Variants in AKAP7 observed in about 807,000 individuals in gnomAD.
AKAP7 encodes A kinase (PRKA) anchor protein 7.
A neutral mutation model predicts 39.5 loss-of-function variants in AKAP7; 39 were observed. That is an observed-to-expected ratio of 0.99 (90% CI 0.76 to 1.29). The LOEUF is 1.29. Among genes scored for constraint, AKAP7 ranks in the 50% most tolerant of loss-of-function variants. The pLI is 0.00. For missense variants in AKAP7, 414 were observed against 407.7 expected, an observed-to-expected ratio of 1.02 and a Z score of -0.13; for synonymous variants, 140 against 139.1, an observed-to-expected ratio of 1.01 and a Z score of -0.05.
chr6:131,146,544 A>G (rs1801501859), intron 2 of AKAP7, among the ~76,000 whole-genome samples: 1 of 152,254 alleles, frequency 6.6e-6, no homozygotes, highest in South Asian at 2.1e-4. Flanking sequence ...AAAATGTTAA[A>G]GATTTGACTA....
At chr6:131,158,658 T>C (rs549612149) in intron 2 of AKAP7, among the ~76,000 whole-genome samples, 1 of 152,114 alleles carries the variant, frequency 6.6e-6, no homozygotes, top group Admixed American at 6.6e-5. Flanking sequence ...AGGCTTGTGC[T>C]ACCATGCCTG....
intron 1 of AKAP7, among the ~76,000 whole-genome samples, chr6:131,139,323 A>T (rs1008296729): frequency 1.2e-4 from 19 of 152,346 alleles, no homozygotes; most frequent in Middle Eastern, 3.4e-3. Context: ...AATTCCTATT[A>T]TTCTATAGCT....
chr6:131,136,613 A>G (rs1562853897), intron 1 of AKAP7, among the ~76,000 whole-genome samples: 1 of 152,248 alleles, frequency 6.6e-6, no homozygotes, highest in South Asian at 2.1e-4. Context: ...TGGCTTTGCA[A>G]TTCAGGATCC....
At chr6:131,160,957 C>T (rs1802884104) in intron 3 of AKAP7, among the ~76,000 whole-genome samples, 1 of 149,676 alleles carries the variant, frequency 6.7e-6, no homozygotes, top group Non-Finnish European at 1.5e-5. Context: ...GGAAAGAACA[C>T]CTCACTTGGA....
chr6:131,199,430 G>T, intron 5 of AKAP7, 31 bp from the exon 6 acceptor site: 1 of 1,404,210 alleles, frequency 7.1e-7, no homozygotes, highest in Non-Finnish European at 1.0e-6. Context: ...TACTGTAGTA[G>T]CATTTCTTTG....
intron 6 of AKAP7, among the ~76,000 whole-genome samples, chr6:131,217,928 T>C (rs570758664): frequency 6.6e-6 from 1 of 152,280 alleles, no homozygotes; most frequent in Admixed American, 6.5e-5. Flanking sequence ...CACACAAGCA[T>C]TTAGAAGACA....
intron 4 of AKAP7, among the ~76,000 whole-genome samples, chr6:131,165,972 A>G (rs551520249): frequency 6.6e-6 from 1 of 152,334 alleles, no homozygotes; most frequent in Non-Finnish European, 1.5e-5. Flanking sequence ...TTTGTTTTCT[A>G]CTTTGACAGC....
intron 6 of AKAP7, among the ~76,000 whole-genome samples, chr6:131,202,278 A>G (rs1807646188): frequency 6.8e-6 from 1 of 146,098 alleles, no homozygotes; most frequent in Non-Finnish European, 1.5e-5. Context: ...CCAAAGGACT[A>G]TAAATCATGC....
intron 7 of AKAP7, among the ~76,000 whole-genome samples, chr6:131,227,227 A>G (rs1364364060): frequency 1.3e-5 from 2 of 152,218 alleles, no homozygotes; most frequent in East Asian, 1.9e-4. Context: ...GGCAAAGACC[A>G]CAATTACTTT....
chr6:131,135,491 G>C lies in AKAP7; in HGVS notation c.-273G>C, dbSNP rs1283553833. ...TCTGGCTTGTTCCGGCGTCCGGCCT[G>C]GCATGCGGGTGCTGCGGCTGCTGCG... On this transcript the variant is annotated 5_prime_UTR_variant, in exon 1 of 8. Coordinates refer to ENST00000431975, the MANE Select transcript of AKAP7 (RefSeq NM_016377.4). Among the ~76,000 whole-genome samples, 1 of 149,180 alleles carries C rather than the reference G, an allele frequency of 6.7e-6. No individual in the cohort carries two copies. The highest frequency in any genetic ancestry group is 1.5e-5 in the Non-Finnish European group (1 of 66,098).
At chr6:131,268,360 C>A (rs1032246453) in intron 7 of AKAP7, among the ~76,000 whole-genome samples, 1 of 152,110 alleles carries the variant, frequency 6.6e-6, no homozygotes, top group African/African-American at 2.4e-5. Context: ...ATTGTTCTAC[C>A]TGTAAGTGGG....
At chr6:131,189,862 G>A (rs1806236970) in intron 5 of AKAP7, among the ~76,000 whole-genome samples, 1 of 152,158 alleles carries the variant, frequency 6.6e-6, no homozygotes, top group Admixed American at 6.5e-5. Flanking sequence ...CTGACTTTTT[G>A]AAGGATATCT....
intron 2 of AKAP7, among the ~76,000 whole-genome samples, chr6:131,146,219 A>G (rs1323665659): frequency 6.6e-6 from 1 of 152,236 alleles, no homozygotes; most frequent in Non-Finnish European, 1.5e-5. Flanking sequence ...ATGTTCATGT[A>G]TTGGATCAAT....
intron 4 of AKAP7, among the ~76,000 whole-genome samples, chr6:131,165,893 A>G (rs550306318): frequency 2.6e-5 from 4 of 152,082 alleles, no homozygotes; most frequent in Admixed American, 6.6e-5. Context: ...TACCTCCTAT[A>G]TAGCTCACTG....
intron 5 of AKAP7, chr6:131,185,109 AG>A (rs1379161699): frequency 9.3e-6 from 6 of 646,438 alleles, no homozygotes; most frequent in African/African-American, 3.6e-5. Flanking sequence ...TCGCTTCCCC[AG>A]GGGGTCAGTG....
chr6:131,251,529 T>A (rs1812446446), intron 7 of AKAP7, among the ~76,000 whole-genome samples: 1 of 151,918 alleles, frequency 6.6e-6, no homozygotes, highest in Admixed American at 6.6e-5. Flanking sequence ...GGTTTATATT[T>A]CCTGCTGCTT....
intron 6 of AKAP7, among the ~76,000 whole-genome samples, chr6:131,209,393 G>GGTGCCCGCCACC (rs1221410498): frequency 2.0e-5 from 3 of 152,028 alleles, no homozygotes; most frequent in Non-Finnish European, 4.4e-5. Flanking sequence ...TGGGACTACA[G>GGTGCCCGCCACC]GTGCCCGCCA....
intron 6 of AKAP7, chr6:131,200,786 T>C (rs1358783820): frequency 1.3e-5 from 2 of 152,182 alleles, no homozygotes; most frequent in South Asian, 2.1e-4. Flanking sequence ...ATGACAACAA[T>C]TTACAAAACT....
chr6:131,268,260 T>A (rs1467196159), intron 7 of AKAP7, among the ~76,000 whole-genome samples: 1 of 152,190 alleles, frequency 6.6e-6, no homozygotes, highest in Non-Finnish European at 1.5e-5. Flanking sequence ...GTGGGTGTCT[T>A]GGATGAACTA....
Sources: allele counts gnomAD v4.1 joint callset (sites outside exome capture counted in the v4.1 genomes callset), GRCh38; gene constraint gnomAD v4.1.1; transcripts MANE v1.5; gene names NCBI Gene and HGNC (gene_info 2026-07-23, HGNC 2026-07-21).